Variants in RPA1 observed in about 807,000 individuals in gnomAD.
The protein encoded by RPA1 is replication protein A1.
In RPA1, 49 loss-of-function variants were observed where a neutral mutation model predicts 83.0. That is an observed-to-expected ratio of 0.59 (90% CI 0.47 to 0.75). The LOEUF is 0.75. Ranked by LOEUF, RPA1 falls within the 30% of genes least tolerant of loss-of-function variation. The pLI is 0.00. For missense variants in RPA1, 693 were observed against 776.1 expected (o/e 0.89, Z 1.27); for synonymous variants, 279 against 281.8 (o/e 0.99, Z 0.10).
intron 14 of RPA1, among the ~76,000 whole-genome samples, chr17:1,889,088 C>CTGA (rs3835043): frequency 0.5 from 75,200 of 151,696 alleles, 19,599 homozygotes; most frequent in African/African-American, 0.65. Flanking sequence ...CACTTGCCTG[C>CTGA]TAACTGCTAT....
intron 5 of RPA1, among the ~76,000 whole-genome samples, chr17:1,861,969 G>C (rs1041632323): frequency 1.3e-5 from 2 of 151,720 alleles, no homozygotes; most frequent in East Asian, 3.9e-4. Context: ...GCGCGGTCTC[G>C]GTTGACTGCA....
Position 1,897,127 on chromosome 17 carries a change from G to C in RPA1, c.1803G>C (p.Glu601Asp). 1.9e-6 allele frequency: 3 copies of C among 1,570,478 alleles called. No homozygotes were observed. The highest frequency in any genetic ancestry group is 3.3e-4 in the Middle Eastern group (2 of 6,012). ...ACGTGAAGCCCGTGGACTACAGAGA[G>C]TATGGCCGAAGGCTGGTCATGAGCA... is the stretch of plus-strand genomic sequence containing the variant. ...VMDVKPVDYREYGRRLVMSIR... is the reference protein window; with the variant it reads ...VMDVKPVDYRDYGRRLVMSIR... The change falls in exon 17 of 17, where the codon GAG (glutamate) becomes GAC (aspartate). Residue 601 changes from glutamate to aspartate, a missense_variant. Glu to Asp is a conservative substitution (Grantham distance 45). Transcript: ENST00000254719.
chr17:1,878,111 G>T (rs2151286443), intron 8 of RPA1, among the ~76,000 whole-genome samples: 1 of 152,216 alleles, frequency 6.6e-6, no homozygotes, highest in South Asian at 2.1e-4. Context: ...GGTGCCTGTA[G>T]TCCCAGCTAC....
At chr17:1,865,283 G>A (rs11078676) in intron 5 of RPA1, among the ~76,000 whole-genome samples, 55,900 of 152,024 alleles carry the variant, frequency 0.37, 12,291 homozygotes, top group Non-Finnish European at 0.52. Flanking sequence ...CATTGTGCCC[G>A]GACCTTCAAA....
intron 2 of RPA1, 58 bp downstream of exon 2, chr17:1,842,911 A>C (rs759378466): frequency 1.0e-5 from 16 of 1,557,766 alleles, no homozygotes; most frequent in Non-Finnish European, 1.4e-5. Context: ...TCGAATTACA[A>C]GTTACGTTTG....
chr17:1,875,774 C>T lies in RPA1; in HGVS notation c.568C>T (p.Leu190Phe), dbSNP rs770690221. 6.2e-7 allele frequency: 1 copy of T among 1,614,000 alleles called. No homozygotes were observed. Among genetic ancestry groups the T allele is most frequent in the East Asian group, 2.2e-5 (1 of 44,898 alleles). ...TQSKVVPIASLTPYQSKWTIC... is the reference protein window; with the variant it reads ...TQSKVVPIASFTPYQSKWTIC... ...GTCCAAAGTGGTGCCCATTGCCAGCCTCACTCCTTACCAGTCCAAGTGAGT... is the reference window on the plus strand; with the variant it reads ...GTCCAAAGTGGTGCCCATTGCCAGCTTCACTCCTTACCAGTCCAAGTGAGT... Residue 190 changes from leucine to phenylalanine, a missense_variant, in exon 7 of 17, where the codon CTC becomes TTC. By Grantham distance (22) the Leu-to-Phe change is conservative. Transcript: ENST00000254719.
At chr17:1,853,044 T>C in intron 4 of RPA1, 57 bp from the exon 5 acceptor site, 1 of 1,346,490 alleles carries the variant, frequency 7.4e-7, no homozygotes, top group Non-Finnish European at 1.1e-6. Flanking sequence ...TTTGAGTAGC[T>C]TATCATTTGA....
At chr17:1,849,466 G>GTAT (rs1254156881) in intron 4 of RPA1, among the ~76,000 whole-genome samples, 2 of 151,640 alleles carry the variant, frequency 1.3e-5, no homozygotes, top group Non-Finnish European at 2.9e-5. Context: ...CTAATTTTTT[G>GTAT]TATTTTTAGT....
intron 1 of RPA1, among the ~76,000 whole-genome samples, 194 bp from the exon 2 acceptor site, chr17:1,842,609 T>C (rs1021623233): frequency 1.3e-5 from 2 of 152,220 alleles, no homozygotes; most frequent in Admixed American, 1.3e-4. Flanking sequence ...AAGTGTTTCC[T>C]TGTAAAACAC....
At chr17:1,846,769 C>G (rs1206612738) in intron 4 of RPA1, among the ~76,000 whole-genome samples, 1 of 152,124 alleles carries the variant, frequency 6.6e-6, no homozygotes, top group African/African-American at 2.4e-5. Context: ...TTGTAGATAA[C>G]TTTGATCTCC....
At chr17:1,860,805 G>A (rs941249858) in intron 5 of RPA1, among the ~76,000 whole-genome samples, 7 of 152,154 alleles carry the variant, frequency 4.6e-5, no homozygotes, top group African/African-American at 1.4e-4. Flanking sequence ...TTCGTACCTC[G>A]TTGGGTGCTA....
At chr17:1,852,174 T>A (rs552080209) in intron 4 of RPA1, among the ~76,000 whole-genome samples, 84 of 152,316 alleles carry the variant, frequency 5.5e-4, no homozygotes, top group African/African-American at 1.9e-3. Flanking sequence ...GAGCAACAAC[T>A]GTGGGCCATT....
chr17:1,868,272 T>C (rs1390448185), intron 5 of RPA1, among the ~76,000 whole-genome samples: 1 of 152,182 alleles, frequency 6.6e-6, no homozygotes, highest in East Asian at 1.9e-4. Context: ...GGAAATAGCT[T>C]TCTTATAGTG....
At position 1,848,928 on chromosome 17, in the gene RPA1, G is replaced by A. The variant is rs531628860; in HGVS notation, c.273-4173G>A. Among the ~76,000 whole-genome samples, 3 of 152,156 alleles carry A rather than the reference G, an allele frequency of 2.0e-5. No individual in the cohort carries two copies. The East Asian group carries it at 5.8e-4, about 29-fold the overall frequency. On this transcript the variant is annotated intron_variant, in intron 4 of 16. Coordinates refer to ENST00000254719, the MANE Select transcript of RPA1 (RefSeq NM_002945.5). ...TACATCACATTTTGTGTATCTATTCGTTAGTTGATGGGCATTCGGATTATT... is the reference window on the plus strand; with the variant it reads ...TACATCACATTTTGTGTATCTATTCATTAGTTGATGGGCATTCGGATTATT...
At position 1,884,283 on chromosome 17, in the gene RPA1, A is replaced by C. The variant is rs1487738594; in HGVS notation, c.1374+339A>C. On this transcript the variant is annotated intron_variant, in intron 13 of 16. Transcript: ENST00000254719. This position sits in a 1 kb window ranked among gnomAD's most constrained non-coding sequence, Gnocchi z 4.1. ...TTTCTTTCCTGTGATCCTTCCTGCA[A>C]ATTTAAGCGCCCACATATCAAAAAG... Among the ~76,000 whole-genome samples the C allele has an allele frequency of 2.6e-5, 4 of 152,136 alleles. No homozygotes were observed. Among genetic ancestry groups the C allele is most frequent in the Non-Finnish European group, 5.9e-5 (4 of 68,022 alleles).
In RPA1 at chr17:1,898,775, T is replaced by C. The variant is rs1292921631; in HGVS notation, c.*1600T>C. 6.6e-6 allele frequency: 1 copy of C among 152,260 alleles called. No homozygotes were observed. The highest frequency in any genetic ancestry group is 6.5e-5 in the Admixed American group (1 of 15,288). The allele number at this position is 152,260 out of a possible 1,614,324, so 9.4% of individuals were successfully genotyped here. A position where few individuals can be genotyped will look rare whatever the true frequency, so the allele number is the denominator to read the frequency against. ...TTCTCTAGTCTCAGGAGATGGTAACTGGGTCGCATTTCAGTCTCTGACTGA... is the reference window on the plus strand; with the variant it reads ...TTCTCTAGTCTCAGGAGATGGTAACCGGGTCGCATTTCAGTCTCTGACTGA... On this transcript the variant is annotated 3_prime_UTR_variant, in exon 17 of 17. Coordinates refer to ENST00000254719, the MANE Select transcript of RPA1 (RefSeq NM_002945.5).
chr17:1,841,402 C>T (rs1041042570), intron 1 of RPA1, among the ~76,000 whole-genome samples: 1 of 152,142 alleles, frequency 6.6e-6, no homozygotes, highest in Non-Finnish European at 1.5e-5. Flanking sequence ...CTCCTGGGTT[C>T]AAGCGATTCT....
chr17:1,831,070 G>C (rs542087610), intron 1 of RPA1, among the ~76,000 whole-genome samples: 2 of 152,092 alleles, frequency 1.3e-5, no homozygotes, highest in East Asian at 3.9e-4. Flanking sequence ...CTGGCCCCAA[G>C]GCAATTCCAT....
At chr17:1,845,505 C>T (rs549537758) in intron 4 of RPA1, among the ~76,000 whole-genome samples, 1 of 152,234 alleles carries the variant, frequency 6.6e-6, no homozygotes, top group East Asian at 1.9e-4. Flanking sequence ...CGCCGCACTT[C>T]AGCCTGGGCA....
Sources: allele counts gnomAD v4.1 joint callset (sites outside exome capture counted in the v4.1 genomes callset), GRCh38; gene constraint gnomAD v4.1.1; non-coding constraint Gnocchi (gnomAD v3.1); transcripts MANE v1.5; gene names NCBI Gene and HGNC (gene_info 2026-07-23, HGNC 2026-07-21).